Variants in CALCR observed in about 807,000 individuals in gnomAD.
CALCR encodes the protein calcitonin receptor.
A neutral mutation model predicts 59.5 loss-of-function variants in CALCR; 47 were observed. That is an observed-to-expected ratio of 0.79 (90% CI 0.63 to 1.01). The LOEUF (loss-of-function observed/expected upper bound fraction) is 1.01. Among genes scored for constraint, CALCR ranks in the 50% least tolerant of loss-of-function variants. The probability of loss-of-function intolerance (pLI) is 0.00; values close to 1 mark genes in which losing one functional copy is unlikely to be tolerated. For synonymous variants in CALCR, 213 were observed against 211.3 expected (o/e 1.01, Z -0.07); for missense variants, 566 against 597.1 (o/e 0.95, Z 0.54).
intron 7 of CALCR, among the ~76,000 whole-genome samples, chr7:93,465,042 A>T (rs573493201): frequency 1.2e-4 from 18 of 151,962 alleles, no homozygotes; most frequent in Admixed American, 4.6e-4. Context: ...TGAAGAGACC[A>T]TCTGTTTTCC....
rs73419385 is a variant in CALCR, at chr7:93,443,641, C to A, written c.765G>T (p.Glu255Asp). 6.2e-7 allele frequency: 1 copy of A among 1,613,410 alleles called. No individual in the cohort carries two copies. The highest frequency in any genetic ancestry group is 1.1e-5 in the South Asian group (1 of 91,032). The change falls in exon 9 of 14, where the codon GAG (glutamate) becomes GAT (aspartate). Residue 255 changes from glutamate to aspartate, a missense_variant. Glu to Asp is a conservative substitution (Grantham distance 45). Transcript: ENST00000426151. The part of the protein sequence containing the change: ...HTLIVVAVFT[E>D]KQRLRWYYLL... Reference sequence around the variant, plus strand: ...GATAATACCACCGCAAGCGTTGCTTCTCAGTAAACACAGCCACGACAATGA... The same window carrying A: ...GATAATACCACCGCAAGCGTTGCTTATCAGTAAACACAGCCACGACAATGA...
chr7:93,542,176 C>T (rs1009529829), intron 2 of CALCR, among the ~76,000 whole-genome samples: 13 of 152,234 alleles, frequency 8.5e-5, no homozygotes, highest in Non-Finnish European at 1.6e-4. Context: ...TGTCATTGTG[C>T]AAATATCACA....
At chr7:93,517,600 G>A (rs534116896) in intron 2 of CALCR, among the ~76,000 whole-genome samples, 59 of 151,918 alleles carry the variant, frequency 3.9e-4, no homozygotes, top group Admixed American at 2.2e-3. Flanking sequence ...TATATGGAAA[G>A]AAAAACAAAA....
In CALCR at chr7:93,518,391, ACT is replaced by A. The variant is rs374991474; in HGVS notation, c.-26-31386_-26-31385del. Among the ~76,000 whole-genome samples the A allele has an allele frequency of 6.2e-4, 94 of 151,702 alleles. 2 individuals carry two copies. In the East Asian group the frequency reaches 0.016, roughly 27 times the overall value. ...AAATGACCTATTCAAATATGAAAAA[ACT>A]CTACTCATAAATACTTGACTTTATT... On this transcript the variant is annotated intron_variant, in intron 2 of 13. Transcript: ENST00000426151.
chr7:93,509,047 T>C (rs1201657738), intron 2 of CALCR, among the ~76,000 whole-genome samples: 1 of 152,152 alleles, frequency 6.6e-6, no homozygotes, highest in Non-Finnish European at 1.5e-5. Context: ...CACTCTTCCA[T>C]TGAGAGGTGG....
At chr7:93,572,811 G>T (rs1045420324) in intron 2 of CALCR, among the ~76,000 whole-genome samples, 1 of 152,124 alleles carries the variant, frequency 6.6e-6, no homozygotes, top group African/African-American at 2.4e-5. Flanking sequence ...ACAACTCCAA[G>T]ATTATCTATG....
At chr7:93,455,789 A>G (rs1042959342) in intron 8 of CALCR, among the ~76,000 whole-genome samples, 2 of 152,088 alleles carry the variant, frequency 1.3e-5, no homozygotes, top group Non-Finnish European at 2.9e-5. Context: ...CTACTTTAAT[A>G]ATCTTTTGGA....
At chr7:93,492,526 C>T (rs1801105543) in intron 2 of CALCR, among the ~76,000 whole-genome samples, 1 of 151,234 alleles carries the variant, frequency 6.6e-6, no homozygotes, top group South Asian at 2.1e-4. Flanking sequence ...ATATGTTGAT[C>T]ATTATTCATT....
At chr7:93,462,207 T>G in intron 7 of CALCR, 1 of 608,458 alleles carries the variant, frequency 1.6e-6, no homozygotes, top group Non-Finnish European at 2.8e-6. Context: ...GCGATTATAG[T>G]AACTCATTAA....
chr7:93,523,350 T>C (rs1323786957), intron 2 of CALCR, among the ~76,000 whole-genome samples: 6 of 152,206 alleles, frequency 3.9e-5, no homozygotes, highest in African/African-American at 1.4e-4. Flanking sequence ...AATAAAAGTC[T>C]TGAAATAGAC....
intron 2 of CALCR, among the ~76,000 whole-genome samples, chr7:93,512,869 C>T (rs1801575322): frequency 6.6e-6 from 1 of 152,088 alleles, no homozygotes; most frequent in Non-Finnish European, 1.5e-5. Flanking sequence ...CCTTGATAAA[C>T]AGCAATACTG....
intron 11 of CALCR, 30 bp from the exon 12 acceptor site, chr7:93,436,200 A>G (rs762491371): frequency 6.4e-7 from 1 of 1,565,398 alleles, no homozygotes; most frequent in Non-Finnish European, 8.8e-7. Context: ...TGAGCAAATC[A>G]TACAGAAAAG....
rs777933866 is a variant in CALCR, at chr7:93,566,642, C to G, written c.-27+7647G>C. Reference sequence around the variant, plus strand: ...GCTCTGCCACTCAGAGATGTATGAACCTTGCTGGGTCCCTGTAAGTTTTCT... The same window carrying G: ...GCTCTGCCACTCAGAGATGTATGAAGCTTGCTGGGTCCCTGTAAGTTTTCT... On this transcript the variant is annotated intron_variant, in intron 2 of 13. Transcript: ENST00000426151. 2.0e-5 allele frequency among the ~76,000 whole-genome samples: 3 copies of G among 152,144 alleles called. No homozygotes were observed. In the East Asian group the frequency reaches 5.8e-4, roughly 29 times the overall value.
At chr7:93,485,591 A>G (rs988360565) in intron 3 of CALCR, among the ~76,000 whole-genome samples, 10 of 151,778 alleles carry the variant, frequency 6.6e-5, no homozygotes, top group African/African-American at 2.2e-4. Flanking sequence ...GCTATGAAAA[A>G]TAACAATATC....
chr7:93,534,578 T>C lies in CALCR; in HGVS notation c.-27+39711A>G, dbSNP rs191398515. ...CCAACAAAATTCCACTTTTACTAAT[T>C]ACAATATCAAAAGAGGCCATTCTTA... is the stretch of plus-strand genomic sequence containing the variant. On this transcript the variant is annotated intron_variant, in intron 2 of 13. Coordinates refer to ENST00000426151, the MANE Select transcript of CALCR (RefSeq NM_001742.4). Among the ~76,000 whole-genome samples the C allele has an allele frequency of 2.0e-5, 3 of 151,916 alleles. No homozygotes were observed. In the East Asian group the frequency reaches 5.8e-4, roughly 29 times the overall value.
At chr7:93,485,455 CA>C (rs1006144057) in intron 3 of CALCR, among the ~76,000 whole-genome samples, 1 of 151,668 alleles carries the variant, frequency 6.6e-6, no homozygotes, top group African/African-American at 2.4e-5. Flanking sequence ...AGATAATCTT[CA>C]AACAATTTTG....
At chr7:93,452,817 A>T (rs1240461458) in intron 8 of CALCR, among the ~76,000 whole-genome samples, 1 of 150,156 alleles carries the variant, frequency 6.7e-6, no homozygotes, top group East Asian at 2.1e-4. Context: ...GCTCTACACA[A>T]TTCTGATTAA....
intron 9 of CALCR, among the ~76,000 whole-genome samples, chr7:93,438,670 C>T (rs536648126): frequency 1.8e-4 from 27 of 152,260 alleles, no homozygotes; most frequent in Middle Eastern, 3.4e-3. Context: ...TGACCTGGGA[C>T]GGTGTATGAA....
chr7:93,543,215 G>A (rs1054594043), intron 2 of CALCR, among the ~76,000 whole-genome samples: 7 of 152,126 alleles, frequency 4.6e-5, no homozygotes, highest in African/African-American at 1.7e-4. Flanking sequence ...CACGATCTCT[G>A]TTCAGTGCAA....
Sources: gnomAD v4.1 joint callset for allele counts (sites outside exome capture counted in the v4.1 genomes callset) on GRCh38, gnomAD v4.1.1 for gene constraint, MANE v1.5 for transcripts, NCBI Gene and HGNC (gene_info 2026-07-23, HGNC 2026-07-21) for gene names.